CACNA1E: variants seen among roughly 807,000 people sequenced by gnomAD.
CACNA1E encodes voltage-dependent R-type calcium channel subunit alpha-1E.
CACNA1E carries 40 observed loss-of-function variants against 259.2 expected under a neutral mutation model. The ratio of observed to expected loss-of-function variants is 0.15; its 90% CI spans 0.12 to 0.20. CACNA1E has a LOEUF of 0.20. Ranked by LOEUF, CACNA1E falls within the 10% of genes least tolerant of loss-of-function variation. The pLI is 1.00. For synonymous variants in CACNA1E, 1,104 were observed against 1,138.5 expected (o/e 0.97, Z 0.61); for missense variants, 1,874 against 3,040.1 (o/e 0.62, Z 9.02).
intron 3 of CACNA1E, among the ~76,000 whole-genome samples, chr1:181,568,256 T>G (rs1650047871): frequency 6.6e-6 from 1 of 152,064 alleles, no homozygotes; most frequent in African/African-American, 2.4e-5. Context: ...AGCATGCATG[T>G]TGTCAGGGAA....
At chr1:181,747,449 C>CTTTTT (rs1558340074) in intron 25 of CACNA1E, among the ~76,000 whole-genome samples, 3 of 117,320 alleles carry the variant, frequency 2.6e-5, no homozygotes, top group Non-Finnish European at 3.7e-5. Context: ...AAAAATCTGT[C>CTTTTT]ATTTTTTTTT....
chr1:181,535,534 A>G (rs1668101758), intron 3 of CACNA1E, among the ~76,000 whole-genome samples: 1 of 152,130 alleles, frequency 6.6e-6, no homozygotes, highest in Admixed American at 6.5e-5. Flanking sequence ...ATAAATGTAA[A>G]TTACATTTCT....
chr1:181,619,192 G>A (rs979653235), intron 6 of CACNA1E, among the ~76,000 whole-genome samples: 3 of 133,046 alleles, frequency 2.3e-5, no homozygotes, highest in Non-Finnish European at 4.9e-5. Flanking sequence ...GGACGGGGTC[G>A]GTTTTGGTAG....
intron 26 of CACNA1E, among the ~76,000 whole-genome samples, chr1:181,751,479 G>A (rs1657589700): frequency 6.6e-6 from 1 of 152,192 alleles, no homozygotes; most frequent in African/African-American, 2.4e-5. Context: ...AGGTACTGGG[G>A]TGTGAGCCAA....
At chr1:181,466,874 A>G (rs1662189278) in intron 2 of CACNA1E, among the ~76,000 whole-genome samples, 1 of 152,244 alleles carries the variant, frequency 6.6e-6, no homozygotes, top group Admixed American at 6.5e-5. Flanking sequence ...CAAAGAGAAT[A>G]AAATAGGAAA....
At chr1:181,789,640 C>T (rs1661124581) in intron 43 of CACNA1E, among the ~76,000 whole-genome samples, 1 of 152,200 alleles carries the variant, frequency 6.6e-6, no homozygotes, top group Non-Finnish European at 1.5e-5. Flanking sequence ...AATTTGGCAA[C>T]AGGCACCTCA....
At chr1:181,744,572 C>T (rs997640137) in intron 25 of CACNA1E, among the ~76,000 whole-genome samples, 5 of 152,226 alleles carry the variant, frequency 3.3e-5, no homozygotes, top group Non-Finnish European at 5.9e-5. Flanking sequence ...ACATTTCACC[C>T]TAAACCTGGC....
intron 1 of CACNA1E, among the ~76,000 whole-genome samples, chr1:181,502,946 G>T (rs1361054876): frequency 6.6e-6 from 1 of 152,166 alleles, no homozygotes; most frequent in South Asian, 2.1e-4. Context: ...TGATTCACTC[G>T]CCTCGGCCTC....
chr1:181,726,564 G>A lies in CACNA1E; in HGVS notation c.2240+402G>A, dbSNP rs78105366. On this transcript the variant is annotated intron_variant, in intron 18 of 47. Transcript: ENST00000367573. ...TCCCCAGCAAGGTTCAGTGTGACTGGTGTGTAATTAATGAGGGGAAATAGA... is the reference window on the plus strand; with the variant it reads ...TCCCCAGCAAGGTTCAGTGTGACTGATGTGTAATTAATGAGGGGAAATAGA... Among the ~76,000 whole-genome samples the A allele has an allele frequency of 7.5e-3, 1,138 of 152,236 alleles. 8 individuals carry two copies. Among genetic ancestry groups the A allele is most frequent in the Admixed American group, 0.012 (186 of 15,300 alleles).
chr1:181,601,707 TC>T (rs1254602710), intron 6 of CACNA1E, among the ~76,000 whole-genome samples: 1 of 152,192 alleles, frequency 6.6e-6, no homozygotes. Flanking sequence ...GTGCAGTCTC[TC>T]CCTGATTGCA....
Position 181,790,436 on chromosome 1 carries a change from G to A in CACNA1E, c.5787-9G>A. The stretch of plus-strand genomic sequence containing the variant: ...CCTCATTACCTCTGGATTTGACATT[G>A]CTTTTCAGGAGTGGCCGGAGTGGAT... On this transcript the variant is annotated splice_polypyrimidine_tract_variant and intron_variant, in intron 43 of 47. Transcript: ENST00000367573. The A allele has an allele frequency of 1.3e-6, 2 of 1,572,142 alleles. No homozygotes were observed. Among genetic ancestry groups the A allele is most frequent in the Non-Finnish European group, 1.8e-6 (2 of 1,141,822 alleles).
chr1:181,339,968 A>T (rs1292965220), intron 1 of CACNA1E, among the ~76,000 whole-genome samples: 2 of 151,948 alleles, frequency 1.3e-5, no homozygotes, highest in East Asian at 3.8e-4. Flanking sequence ...TTACACTTTC[A>T]TACAGTTGAA....
intron 7 of CACNA1E, among the ~76,000 whole-genome samples, chr1:181,670,248 C>T (rs1471038798): frequency 6.6e-6 from 1 of 152,128 alleles, no homozygotes; most frequent in Non-Finnish European, 1.5e-5. Flanking sequence ...TGAAATAATA[C>T]CTCCCAATTT....
intron 2 of CACNA1E, among the ~76,000 whole-genome samples, chr1:181,440,698 C>T (rs556495887): frequency 6.2e-4 from 95 of 152,254 alleles, no homozygotes; most frequent in Non-Finnish European, 1.2e-3. Flanking sequence ...CACCATGGCT[C>T]ACTCCTGTAA....
chr1:181,624,953 G>T (rs1038107019), intron 6 of CACNA1E, among the ~76,000 whole-genome samples: 2 of 151,912 alleles, frequency 1.3e-5, no homozygotes, highest in African/African-American at 4.8e-5. Context: ...AATGGATGTT[G>T]TGTTATCAGG....
chr1:181,613,080 G>C (rs1294344465), intron 6 of CACNA1E, among the ~76,000 whole-genome samples: 1 of 152,076 alleles, frequency 6.6e-6, no homozygotes, highest in Admixed American at 6.6e-5. Flanking sequence ...TCCGGACTCT[G>C]TTCTATTCCA....
chr1:181,514,240 G>A (rs1259620337), intron 3 of CACNA1E, among the ~76,000 whole-genome samples: 3 of 152,144 alleles, frequency 2.0e-5, no homozygotes, highest in Non-Finnish European at 4.4e-5. Flanking sequence ...TACAATAATG[G>A]CATGATATAG....
At chr1:181,523,042 C>T (rs1034298694) in intron 3 of CACNA1E, among the ~76,000 whole-genome samples, 6 of 152,172 alleles carry the variant, frequency 3.9e-5, no homozygotes, top group South Asian at 2.1e-4. Flanking sequence ...GAGGGTAGTA[C>T]GTGGTGTTGT....
intron 1 of CACNA1E, among the ~76,000 whole-genome samples, chr1:181,338,322 T>G (rs1286801084): frequency 1.3e-5 from 2 of 152,138 alleles, no homozygotes; most frequent in Non-Finnish European, 1.5e-5. Flanking sequence ...TTGCCTCAAG[T>G]GATCTGCCCG....
Sources: allele counts gnomAD v4.1 joint callset (sites outside exome capture counted in the v4.1 genomes callset), GRCh38; gene constraint gnomAD v4.1.1; transcripts MANE v1.5; gene names NCBI Gene and HGNC (gene_info 2026-07-23, HGNC 2026-07-21).